PLPP1: variants seen among roughly 807,000 people sequenced by gnomAD.
The protein encoded by PLPP1 is lipid phosphate phosphohydrolase 1a.
Under a neutral mutation model 31.2 loss-of-function variants are expected in PLPP1, and 24 were observed. That is an observed-to-expected ratio of 0.77 (90% CI 0.56 to 1.08). The LOEUF (loss-of-function observed/expected upper bound fraction) is 1.08, where lower values mean the gene tolerates loss of function less well. PLPP1 is among the 50% of genes least tolerant of loss of function. PLPP1 has a pLI of 0.00. For synonymous variants in PLPP1, 146 were observed against 126.3 expected (o/e 1.16, Z -1.05); for missense variants, 319 against 342.7 (o/e 0.93, Z 0.55).
chr5:55,481,956 A>G (rs1405087078), intron 1 of PLPP1, among the ~76,000 whole-genome samples: 2 of 150,938 alleles, frequency 1.3e-5, no homozygotes, highest in Non-Finnish European at 3.0e-5. Flanking sequence ...CGTTTCCTCC[A>G]TATTTTAAGA....
At chr5:55,426,094 T>C in intron 4 of PLPP1, 55 bp from the exon 5 acceptor site, 1 of 1,427,786 alleles carries the variant, frequency 7.0e-7, no homozygotes, top group Admixed American at 2.4e-5. Flanking sequence ...GCAAAACTTT[T>C]ATATTAAGGA....
At position 55,425,045 on chromosome 5, in the gene PLPP1, A is replaced by T; in HGVS notation, c.*161T>A. 1 of 1,000,038 alleles carries T rather than the reference A, an allele frequency of 1.0e-6. No individual in the cohort carries two copies. The highest frequency in any genetic ancestry group is 1.5e-6 in the Non-Finnish European group (1 of 682,114). 61.9% of individuals were successfully genotyped at this position (1,000,038 alleles called of 1,614,324 possible). ...AGAGCTATTAGATAACCACTGAGTT[A>T]AAGGTAACTATGTACACACAAAGTG... On this transcript the variant is annotated 3_prime_UTR_variant, in exon 6 of 6. Coordinates refer to ENST00000307259, the MANE Select transcript of PLPP1 (RefSeq NM_003711.4).
intron 4 of PLPP1, among the ~76,000 whole-genome samples, chr5:55,428,671 T>C (rs984828132): frequency 2.6e-5 from 4 of 152,236 alleles, no homozygotes; most frequent in Admixed American, 2.0e-4. Flanking sequence ...TTCTCAATAC[T>C]GTTCTATTAG....
At chr5:55,526,259 G>A (rs1247543723) in intron 1 of PLPP1, among the ~76,000 whole-genome samples, 1 of 152,138 alleles carries the variant, frequency 6.6e-6, no homozygotes, top group East Asian at 1.9e-4. Flanking sequence ...TCCAAAGGAT[G>A]TAATTCAAAG....
At chr5:55,465,831 G>A (rs373428974) in intron 3 of PLPP1, among the ~76,000 whole-genome samples, 1 of 152,052 alleles carries the variant, frequency 6.6e-6, no homozygotes, top group Non-Finnish European at 1.5e-5. Context: ...TGGCTCTACT[G>A]TTAAAGTCTT....
Position 55,512,479 on chromosome 5 carries a change from AAAAAGAAAG to A in PLPP1, c.58+22084_58+22092del, listed in dbSNP as rs1753440414. On this transcript the variant is annotated intron_variant, in intron 1 of 5. Coordinates refer to ENST00000307259, the MANE Select transcript of PLPP1 (RefSeq NM_003711.4). ...GAGCAAGACTGTCTCAAAAAAAAAA[AAAAAGAAAG>A]AAAGAAAGAAAAGAAAAGAAAAGAA... Among the ~76,000 whole-genome samples the A allele has an allele frequency of 4.7e-5, 2 of 42,220 alleles. 1 individual carries two copies. The allele number at this position is 42,220 out of a possible 152,430, so 27.7% of individuals were successfully genotyped here. A position where few individuals can be genotyped will look rare whatever the true frequency, so the allele number is the denominator to read the frequency against.
intron 3 of PLPP1, among the ~76,000 whole-genome samples, chr5:55,447,458 A>G (rs1334368439): frequency 6.6e-6 from 1 of 152,176 alleles, no homozygotes; most frequent in Non-Finnish European, 1.5e-5. Flanking sequence ...TTAAAGACTT[A>G]TAATTGTTAC....
intron 3 of PLPP1, among the ~76,000 whole-genome samples, chr5:55,457,309 G>A (rs1353470525): frequency 6.6e-6 from 1 of 152,118 alleles, no homozygotes; most frequent in East Asian, 1.9e-4. Flanking sequence ...GCATATGGAT[G>A]GCTGTAGAAA....
At chr5:55,492,889 T>G (rs756923929) in intron 1 of PLPP1, among the ~76,000 whole-genome samples, 1 of 151,908 alleles carries the variant, frequency 6.6e-6, no homozygotes, top group Non-Finnish European at 1.5e-5. Flanking sequence ...TCTTCCAGAG[T>G]TAGGGAATAT....
At chr5:55,532,984 A>C (rs1162157953) in intron 1 of PLPP1, among the ~76,000 whole-genome samples, 1 of 151,864 alleles carries the variant, frequency 6.6e-6, no homozygotes, top group Non-Finnish European at 1.5e-5. Flanking sequence ...CAATGTGCCA[A>C]AATTGTGTTC....
At chr5:55,527,564 T>C (rs1740504152) in intron 1 of PLPP1, among the ~76,000 whole-genome samples, 1 of 152,210 alleles carries the variant, frequency 6.6e-6, no homozygotes, top group South Asian at 2.1e-4. Flanking sequence ...AAATCTGTTT[T>C]AGACATAGAT....
At chr5:55,523,973 T>C (rs1409269113) in intron 1 of PLPP1, among the ~76,000 whole-genome samples, 1 of 152,244 alleles carries the variant, frequency 6.6e-6, no homozygotes, top group Non-Finnish European at 1.5e-5. Context: ...TTATATACAC[T>C]GGTATGGAGA....
intron 1 of PLPP1, chr5:55,491,100 C>T: frequency 6.2e-7 from 1 of 1,613,000 alleles, no homozygotes; most frequent in Non-Finnish European, 8.5e-7. Flanking sequence ...TTTAGAACAG[C>T]CATAGGCATG....
At chr5:55,442,363 T>C (rs1751639953) in intron 3 of PLPP1, among the ~76,000 whole-genome samples, 1 of 152,038 alleles carries the variant, frequency 6.6e-6, no homozygotes, top group Non-Finnish European at 1.5e-5. Context: ...ATTAATATTT[T>C]AGTATTTTGG....
chr5:55,532,724 C>A (rs1740714571), intron 1 of PLPP1, among the ~76,000 whole-genome samples: 1 of 151,792 alleles, frequency 6.6e-6, no homozygotes, highest in African/African-American at 2.4e-5. Context: ...TTTGGGAGGC[C>A]AAGGCGGGTG....
At chr5:55,468,193 G>A in intron 2 of PLPP1, 44 bp from the exon 3 acceptor site, 2 of 1,479,622 alleles carry the variant, frequency 1.4e-6, no homozygotes, top group South Asian at 1.3e-5. Flanking sequence ...TAGCAAGCAG[G>A]CACTTTAAAC....
intron 4 of PLPP1, among the ~76,000 whole-genome samples, chr5:55,431,027 A>G (rs941504241): frequency 1.3e-5 from 2 of 152,224 alleles, no homozygotes; most frequent in African/African-American, 2.4e-5. Flanking sequence ...AACCCAGACA[A>G]AAATAAGAAA....
chr5:55,524,907 G>A (rs1487696447), intron 1 of PLPP1, among the ~76,000 whole-genome samples: 1 of 152,152 alleles, frequency 6.6e-6, no homozygotes, highest in African/African-American at 2.4e-5. Flanking sequence ...CTAGAGTGTA[G>A]CTAACTCCAC....
At chr5:55,534,449 C>T (rs926994225) in intron 1 of PLPP1, 123 bp downstream of exon 1, 1 of 1,036,536 alleles carries the variant, frequency 9.6e-7, no homozygotes, top group Non-Finnish European at 1.3e-6. Flanking sequence ...AAGCCGCCCC[C>T]GTGTGTCGCC....
Sources: gnomAD v4.1 joint callset for allele counts (sites outside exome capture counted in the v4.1 genomes callset) on GRCh38, gnomAD v4.1.1 for gene constraint, MANE v1.5 for transcripts, NCBI Gene and HGNC (gene_info 2026-07-23, HGNC 2026-07-21) for gene names.